Variants in CFAP46 observed in about 807,000 individuals in gnomAD.
CFAP46 encodes cilia- and flagella-associated protein 46.
Under a neutral mutation model 325.7 loss-of-function variants are expected in CFAP46, and 245 were observed. The ratio of observed to expected loss-of-function variants is 0.75; its 90% confidence interval spans 0.68 to 0.84. The LOEUF (loss-of-function observed/expected upper bound fraction) is 0.84. CFAP46 is among the 40% of genes least tolerant of loss of function. The probability of loss-of-function intolerance (pLI) is 0.00; values close to 1 mark genes in which losing one functional copy is unlikely to be tolerated. For synonymous variants in CFAP46, 1,523 were observed against 1,495.9 expected (o/e 1.02, Z -0.42); for missense variants, 3,346 against 3,543.0 (o/e 0.94, Z 1.41).
intron 17 of CFAP46, 105 bp from the exon 18 acceptor site, chr10:132,913,363 A>ATCAT: frequency 5.6e-6 from 2 of 357,598 alleles, no homozygotes; most frequent in Non-Finnish European, 5.6e-6. Context: ...CAGGGCAAGA[A>ATCAT]GTGGGAGGGG....
At chr10:132,907,148 A>G (rs900679265) in intron 22 of CFAP46, among the ~76,000 whole-genome samples, 1 of 152,398 alleles carries the variant, frequency 6.6e-6, no homozygotes, top group Middle Eastern at 3.4e-3. Flanking sequence ...TGCCTCCGGC[A>G]GGTGCTGCCC....
At chr10:132,908,234 T>C in intron 22 of CFAP46, 2 of 560,902 alleles carry the variant, frequency 3.6e-6, no homozygotes, top group Non-Finnish European at 6.4e-6. Context: ...GGTGGAGTGC[T>C]CACCTGCTCC....
chr10:132,910,369 T>TC (rs200596745), intron 19 of CFAP46, among the ~76,000 whole-genome samples: 2,082 of 152,092 alleles, frequency 0.014, 39 homozygotes, highest in African/African-American at 0.046. Flanking sequence ...CCAGCACCCC[T>TC]CCCCCACTGC....
chr10:132,903,250 G>GT (rs111753301), intron 22 of CFAP46, among the ~76,000 whole-genome samples: 11,439 of 152,260 alleles, frequency 0.075, 478 homozygotes, highest in African/African-American at 0.12. Context: ...TCTTGTCAGC[G>GT]TACAGACCCC....
chr10:132,879,042 C>T (rs1405741845), intron 29 of CFAP46, among the ~76,000 whole-genome samples: 1 of 152,184 alleles, frequency 6.6e-6, no homozygotes, highest in African/African-American at 2.4e-5. Context: ...AACAGAGGCG[C>T]CTGCCGCTGC....
chr10:132,895,961 G>A (rs537420220), intron 24 of CFAP46, among the ~76,000 whole-genome samples: 1 of 70,750 alleles, frequency 1.4e-5, no homozygotes, highest in East Asian at 2.9e-4. Flanking sequence ...CGGCGAGAAG[G>A]CAGCTAGGCT....
chr10:132,914,021 GCCCCCGCCCCGAGGCTGTGTCCAGC>G (rs1849600401), intron 17 of CFAP46, among the ~76,000 whole-genome samples: 1 of 151,608 alleles, frequency 6.6e-6, no homozygotes, highest in East Asian at 1.9e-4. Flanking sequence ...CAAACCTCTG[GCCCCCGCCCCGAGGCTGTGTCCAGC>G]CACACTGCAC....
At chr10:132,855,009 G>T (rs1156415047) in intron 39 of CFAP46, among the ~76,000 whole-genome samples, 2 of 152,176 alleles carry the variant, frequency 1.3e-5, no homozygotes, top group Non-Finnish European at 2.9e-5. Context: ...CTGTTGTTGG[G>T]TGAACGTTCT....
chr10:132,814,093 C>T, intron 54 of CFAP46, 59 bp downstream of exon 54: 1 of 1,416,132 alleles, frequency 7.1e-7, no homozygotes, highest in Non-Finnish European at 1.0e-6. Flanking sequence ...GCAGTGGCTC[C>T]CCGCTGGACC....
In CFAP46 at chr10:132,885,921, C is replaced by G; in HGVS notation, c.3343G>C (p.Gly1115Arg). 6.5e-7 allele frequency: 1 copy of G among 1,550,274 alleles called. No individual in the cohort carries two copies. Among genetic ancestry groups the G allele is most frequent in the Non-Finnish European group, 8.7e-7 (1 of 1,146,850 alleles). ...TCGGCATGGCTGTGGAAGAGCAGGC[C>G]GTAGAGCGCAGCACGGAGCGCCAGG... The part of the protein sequence containing the change: ...DDLALRAALY[G>R]LLFHSHADQD... Residue 1115 changes from glycine (G) to arginine (R), a missense_variant, in exon 26 of 58, where the codon GGC (glycine) becomes CGC (arginine). By Grantham distance (125) the Gly-to-Arg change is moderately radical (BLOSUM62 -2). Coordinates refer to ENST00000368586, the MANE Select transcript of CFAP46 (RefSeq NM_001200049.3).
At chr10:132,815,924 A>G (rs1847685088) in intron 50 of CFAP46, among the ~76,000 whole-genome samples, 1 of 152,080 alleles carries the variant, frequency 6.6e-6, no homozygotes, top group Non-Finnish European at 1.5e-5. Context: ...CTACTTTTCT[A>G]TTACTGGGGA....
chr10:132,917,931 G>A (rs560914458), intron 16 of CFAP46, among the ~76,000 whole-genome samples: 22 of 121,924 alleles, frequency 1.8e-4, no homozygotes, highest in African/African-American at 7.1e-4. Context: ...CCCTCTCCAC[G>A]ACGCACCTCA....
At position 132,880,879 on chromosome 10, in the gene CFAP46, G is replaced by C. The variant is rs1849032140; in HGVS notation, c.3781C>G (p.Pro1261Ala). The C allele has an allele frequency of 6.5e-7, 1 of 1,548,844 alleles. No individual in the cohort carries two copies. The highest frequency in any genetic ancestry group is 8.7e-7 in the Non-Finnish European group (1 of 1,146,960). Residue 1261 changes from proline (P) to alanine (A), a missense_variant, in exon 28 of 58, where the codon CCA (proline) becomes GCA (alanine). By Grantham distance (27) the Pro-to-Ala change is conservative. Transcript: ENST00000368586. ...GGCTCACCATCCGGCGTGGGCTGTG[G>C]CTCAGGGACATCGCCGGGCGGCTTC... ...AMKPPGDVPE[P>A]QPTPDGEYVA... is the part of the protein sequence containing the mutation.
chr10:132,899,925 C>T (rs753927187), intron 22 of CFAP46, among the ~76,000 whole-genome samples: 4 of 152,146 alleles, frequency 2.6e-5, no homozygotes, highest in African/African-American at 4.8e-5. Context: ...GCCTGGGTGC[C>T]GGAGACAGCC....
In CFAP46 at chr10:132,876,534, T is replaced by G. The variant is rs1848959878; in HGVS notation, c.4362+278A>C. On this transcript the variant is annotated intron_variant, in intron 31 of 57. Coordinates refer to ENST00000368586, the MANE Select transcript of CFAP46 (RefSeq NM_001200049.3). The surrounding 1 kb of genome is among the most constrained non-coding windows in gnomAD (Gnocchi z 4.1). ...ATGAGGGGATCAATTTCTGTTGTTT[T>G]AACCATGCGGTTGTGGGAGCTTGTC... Among the ~76,000 whole-genome samples, 1 of 152,312 alleles carries G rather than the reference T, an allele frequency of 6.6e-6. No homozygotes were observed. The highest frequency in any genetic ancestry group is 3.4e-3 in the Middle Eastern group (1 of 294).
intron 19 of CFAP46, among the ~76,000 whole-genome samples, chr10:132,911,996 C>T (rs1849546848): frequency 6.6e-6 from 1 of 152,088 alleles, no homozygotes; most frequent in Non-Finnish European, 1.5e-5. Flanking sequence ...CTGTCGCCTC[C>T]ACTGAAGGCA....
At chr10:132,840,712 G>A (rs975442971) in intron 44 of CFAP46, among the ~76,000 whole-genome samples, 28 of 152,176 alleles carry the variant, frequency 1.8e-4, no homozygotes, top group African/African-American at 6.5e-4. Context: ...ATCATCGTAA[G>A]TAACTGTTTA....
At chr10:132,848,457 C>T (rs763889974) in intron 41 of CFAP46, among the ~76,000 whole-genome samples, 1 of 151,498 alleles carries the variant, frequency 6.6e-6, no homozygotes, top group Non-Finnish European at 1.5e-5. Flanking sequence ...GCAGAGAAGC[C>T]TTCGTTCTCC....
intron 22 of CFAP46, among the ~76,000 whole-genome samples, chr10:132,903,266 C>T (rs1490571724): frequency 6.6e-6 from 1 of 152,252 alleles, no homozygotes; most frequent in African/African-American, 2.4e-5. Context: ...ACCCCTCCAT[C>T]CCTGTTTTCT....
Sources: allele counts gnomAD v4.1 joint callset (sites outside exome capture counted in the v4.1 genomes callset), GRCh38; gene constraint gnomAD v4.1.1; non-coding constraint Gnocchi (gnomAD v3.1); transcripts MANE v1.5; gene names NCBI Gene and HGNC (gene_info 2026-07-23, HGNC 2026-07-21).